Variants in EIF2AK3 observed in about 807,000 individuals in gnomAD.
The protein encoded by EIF2AK3 is eukaryotic translation initiation factor 2-alpha kinase 3.
A neutral mutation model predicts 113.5 loss-of-function variants in EIF2AK3; 50 were observed. The observed-to-expected ratio is 0.44, with a 90% CI of 0.35 to 0.56. The LOEUF is 0.56. Ranked by LOEUF, EIF2AK3 falls within the 20% of genes least tolerant of loss-of-function variation. EIF2AK3 has a pLI of 0.00. For synonymous variants in EIF2AK3, 448 were observed against 495.4 expected (o/e 0.90, Z 1.27); for missense variants, 1,185 against 1,378.0 (o/e 0.86, Z 2.22).
At chr2:88,570,719 G>A (rs1393654898) in intron 14 of EIF2AK3, among the ~76,000 whole-genome samples, 155 bp downstream of exon 14, 1 of 152,170 alleles carries the variant, frequency 6.6e-6, no homozygotes, top group Non-Finnish European at 1.5e-5. Context: ...CATCTTAGCT[G>A]TGTCACTATT....
chr2:88,559,080 T>G, intron 15 of EIF2AK3, 101 bp from the exon 16 acceptor site: 1 of 761,856 alleles, frequency 1.3e-6, no homozygotes, highest in Non-Finnish European at 2.1e-6. Flanking sequence ...TGTACATCTA[T>G]CAAATGGAAA....
chr2:88,605,278 A>G (rs1043507402), intron 2 of EIF2AK3, among the ~76,000 whole-genome samples: 2 of 152,202 alleles, frequency 1.3e-5, no homozygotes, highest in African/African-American at 4.8e-5. Flanking sequence ...TTTATTCTCT[A>G]TTGGAAACTT....
chr2:88,590,638 T>C (rs747028603), intron 5 of EIF2AK3, 33 bp from the exon 6 acceptor site: 1 of 1,607,420 alleles, frequency 6.2e-7, no homozygotes, highest in South Asian at 1.1e-5. Flanking sequence ...TCTTAAATAA[T>C]TCAAGCAGTA....
At chr2:88,626,352 C>T (rs1347323779) in intron 1 of EIF2AK3, among the ~76,000 whole-genome samples, 1 of 152,134 alleles carries the variant, frequency 6.6e-6, no homozygotes, top group Non-Finnish European at 1.5e-5. Context: ...AATTATCCGG[C>T]GTGCTTGTTA....
chr2:88,570,048 T>C (rs1389223629), intron 14 of EIF2AK3, among the ~76,000 whole-genome samples: 1 of 152,106 alleles, frequency 6.6e-6, no homozygotes, highest in Non-Finnish European at 1.5e-5. Flanking sequence ...TTGGTGCCTG[T>C]AATTTTTTTT....
At chr2:88,596,392 T>G (rs1354943878) in intron 2 of EIF2AK3, among the ~76,000 whole-genome samples, 1 of 152,114 alleles carries the variant, frequency 6.6e-6, no homozygotes, top group African/African-American at 2.4e-5. Flanking sequence ...ACTGCCTTTG[T>G]GAAGGTTAAA....
At chr2:88,615,479 T>C (rs545626578) in intron 1 of EIF2AK3, among the ~76,000 whole-genome samples, 3 of 152,312 alleles carry the variant, frequency 2.0e-5, no homozygotes, top group Non-Finnish European at 4.4e-5. Flanking sequence ...TATTAATGCC[T>C]TTATAAAAGC....
rs998521056 is a variant in EIF2AK3, at chr2:88,557,490, C to G, written c.*246G>C. 26 of 537,672 alleles carry G rather than the reference C, an allele frequency of 4.8e-5. 1 individual carries two copies. The Middle Eastern group carries it at 2.6e-3, about 53-fold the overall frequency. 33.3% of individuals were successfully genotyped at this position (537,672 alleles called of 1,614,324 possible). A position where few individuals can be genotyped will look rare whatever the true frequency, so the allele number is the denominator to read the frequency against. On this transcript the variant is annotated 3_prime_UTR_variant, in exon 17 of 17. Coordinates refer to ENST00000303236, the MANE Select transcript of EIF2AK3 (RefSeq NM_004836.7). ...AATGGTGAGGGCTATAAAGCTTGGC[C>G]AGCAGCCAGTTTCAAGAGACTAACA...
chr2:88,571,047 A>T lies in EIF2AK3; in HGVS notation c.2818-6T>A. 3.1e-6 allele frequency: 5 copies of T among 1,614,202 alleles called. No individual in the cohort carries two copies. Among genetic ancestry groups the T allele is most frequent in the Non-Finnish European group, 4.2e-6 (5 of 1,180,018 alleles). On this transcript the variant is annotated splice_region_variant and splice_polypyrimidine_tract_variant and intron_variant, in intron 13 of 16. Coordinates refer to ENST00000303236, the MANE Select transcript of EIF2AK3 (RefSeq NM_004836.7). ...GTAAAGAATATGTTGGATGGCTGGA[A>T]AGAATACAACAGACAAAAGTACAGT...
intron 2 of EIF2AK3, among the ~76,000 whole-genome samples, chr2:88,599,276 T>C (rs189174012): frequency 6.6e-6 from 1 of 152,234 alleles, no homozygotes; most frequent in African/African-American, 2.4e-5. Flanking sequence ...TACCTAATAT[T>C]ACCTTAGAGT....
chr2:88,600,904 C>A (rs1221521092), intron 2 of EIF2AK3, among the ~76,000 whole-genome samples: 10 of 152,326 alleles, frequency 6.6e-5, no homozygotes, highest in Middle Eastern at 3.4e-3. Context: ...GACTCACACA[C>A]TTTTTGGAGT....
At position 88,593,320 on chromosome 2, in the gene EIF2AK3, C is replaced by T. The variant is rs147458427; in HGVS notation, c.719G>A (p.Arg240His). The part of the protein sequence containing the change: ...EQEEDILLLQ[R>H]TQKTVRAVGP... ...GACAGCTCTAACAGTTTTTTGGGTA[C>T]GCTGTAGAAGCAGGATGTCTTCCTC... The change falls in exon 4 of 17, where the codon CGT (arginine) becomes CAT (histidine). Residue 240 changes from arginine to histidine, a missense_variant. Coordinates refer to ENST00000303236, the MANE Select transcript of EIF2AK3 (RefSeq NM_004836.7). 7.9e-4 allele frequency: 1,281 copies of T among 1,613,986 alleles called. 1 individual carries two copies. Among genetic ancestry groups the T allele is most frequent in the Non-Finnish European group, 1.0e-3 (1,186 of 1,179,956 alleles).
chr2:88,600,797 C>T (rs79265250), intron 2 of EIF2AK3, among the ~76,000 whole-genome samples: 2,332 of 152,186 alleles, frequency 0.015, 45 homozygotes, highest in Admixed American at 0.062. Flanking sequence ...TGAGCACTAC[C>T]AGCATTAAAA....
chr2:88,586,595 CTTTT>C (rs533167763), intron 8 of EIF2AK3, among the ~76,000 whole-genome samples: 1 of 119,924 alleles, frequency 8.3e-6, no homozygotes. Flanking sequence ...TTTATCTTGC[CTTTT>C]TTTTTTTTTT....
chr2:88,591,053 C>T lies in EIF2AK3; in HGVS notation c.768-1G>A, dbSNP rs752512402. ...AAAGTGGCCAACACTGAAATTCCAC[C>T]TTAAATTTACAAAGGTGTGTTTTAG... On this transcript the variant is annotated splice_acceptor_variant, in intron 4 of 16. Transcript: ENST00000303236. LOFTEE classifies it high-confidence loss of function. 1 of 1,613,508 alleles carries T rather than the reference C, an allele frequency of 6.2e-7. No homozygotes were observed. Among genetic ancestry groups the T allele is most frequent in the Non-Finnish European group, 8.5e-7 (1 of 1,179,534 alleles).
At chr2:88,572,027 C>T (rs1674324846) in intron 13 of EIF2AK3, among the ~76,000 whole-genome samples, 1 of 152,178 alleles carries the variant, frequency 6.6e-6, no homozygotes, top group Non-Finnish European at 1.5e-5. Context: ...AGCCATTTAG[C>T]TCATGAAATT....
At chr2:88,617,231 G>A (rs928488923) in intron 1 of EIF2AK3, among the ~76,000 whole-genome samples, 2 of 152,138 alleles carry the variant, frequency 1.3e-5, no homozygotes, top group Non-Finnish European at 2.9e-5. Flanking sequence ...GCAAAGACAC[G>A]GAATCAGTCT....
intron 1 of EIF2AK3, among the ~76,000 whole-genome samples, chr2:88,620,414 T>C (rs2103980468): frequency 6.6e-6 from 1 of 152,326 alleles, no homozygotes; most frequent in Non-Finnish European, 1.5e-5. Flanking sequence ...TTAGAGGAAA[T>C]ACTTAAGAAC....
chr2:88,573,805 G>A (rs1674379804), intron 13 of EIF2AK3, among the ~76,000 whole-genome samples: 1 of 152,124 alleles, frequency 6.6e-6, no homozygotes, highest in South Asian at 2.1e-4. Flanking sequence ...AAACAAGTCT[G>A]TTTTAAGTCT....
Sources: allele counts gnomAD v4.1 joint callset (sites outside exome capture counted in the v4.1 genomes callset), GRCh38; gene constraint gnomAD v4.1.1; transcripts MANE v1.5; gene names NCBI Gene and HGNC (gene_info 2026-07-23, HGNC 2026-07-21).